The following TRIQK variants were observed in gnomAD, a reference collection of about 807,000 sequenced individuals.
The protein encoded by TRIQK is triple QxxK/R motif-containing protein.
TRIQK carries 10 observed loss-of-function variants against 10.8 expected under a neutral mutation model. The observed-to-expected ratio is 0.92, with a 90% CI of 0.57 to 1.57. The LOEUF is 1.57. Ranked by LOEUF, TRIQK falls within the 40% of genes most tolerant of loss-of-function variation. The pLI is 0.00. For missense variants in TRIQK, 107 were observed against 97.7 expected (o/e 1.09, Z -0.40); for synonymous variants, 33 against 33.7 (o/e 0.98, Z 0.07).
At chr8:92,890,663 A>G (rs1365232821) in intron 4 of TRIQK, among the ~76,000 whole-genome samples, 1 of 151,878 alleles carries the variant, frequency 6.6e-6, no homozygotes, top group African/African-American at 2.4e-5. Flanking sequence ...AAATCCTGAT[A>G]TTTAACTTCT....
At position 93,008,157 on chromosome 8, in the gene TRIQK, G is replaced by A. The variant is rs115790648; in HGVS notation, c.-181+9452C>T. Among the ~76,000 whole-genome samples, 214 of 152,234 alleles carry A rather than the reference G, an allele frequency of 1.4e-3. 1 individual carries two copies. The highest frequency in any genetic ancestry group is 4.9e-3 in the African/African-American group (204 of 41,538). On this transcript the variant is annotated intron_variant, in intron 1 of 4. Transcript: ENST00000520686. ...CTGTAGGGGGTGGACAGGAGGGAGA[G>A]CATCAGGATAAATAGCTAATGCATG...
chr8:92,976,094 A>T lies in TRIQK; in HGVS notation c.-180-21530T>A, dbSNP rs185358618. Among the ~76,000 whole-genome samples the T allele has an allele frequency of 2.0e-5, 3 of 152,066 alleles. No individual in the cohort carries two copies. The East Asian group carries it at 5.8e-4, about 29-fold the overall frequency. ...TTTATTATATAGGTTTTCTTGGTAA[A>T]TATCCCATGTACACTTGAAAAGAAT... On this transcript the variant is annotated intron_variant, in intron 1 of 4. Transcript: ENST00000520686.
chr8:92,923,355 A>G (rs1056720518), intron 2 of TRIQK, among the ~76,000 whole-genome samples: 1 of 151,522 alleles, frequency 6.6e-6, no homozygotes, highest in Non-Finnish European at 1.5e-5. Flanking sequence ...ATAGATGCGG[A>G]AAGGGAATAA....
At chr8:92,890,198 T>G (rs1816692744) in intron 4 of TRIQK, among the ~76,000 whole-genome samples, 1 of 151,776 alleles carries the variant, frequency 6.6e-6, no homozygotes, top group South Asian at 2.1e-4. Flanking sequence ...GGCAAATTAA[T>G]TAGTATGCCA....
chr8:92,988,408 A>G (rs771145079), intron 1 of TRIQK, among the ~76,000 whole-genome samples: 3 of 152,120 alleles, frequency 2.0e-5, no homozygotes, highest in Admixed American at 1.3e-4. Context: ...AAAAGTATGT[A>G]TGTTTGTGTA....
At chr8:92,888,343 T>C (rs1180631875) in intron 4 of TRIQK, among the ~76,000 whole-genome samples, 1 of 151,604 alleles carries the variant, frequency 6.6e-6, no homozygotes, top group Non-Finnish European at 1.5e-5. Flanking sequence ...TTTCACTATA[T>C]ATTTTCAGAA....
chr8:92,979,367 A>T (rs1246878166), intron 1 of TRIQK, among the ~76,000 whole-genome samples: 1 of 152,064 alleles, frequency 6.6e-6, no homozygotes, highest in Non-Finnish European at 1.5e-5. Context: ...ATTTTTTCAT[A>T]TATATCCAAT....
At chr8:92,993,291 C>A (rs1453790673) in intron 1 of TRIQK, among the ~76,000 whole-genome samples, 1 of 152,130 alleles carries the variant, frequency 6.6e-6, no homozygotes, top group Non-Finnish European at 1.5e-5. Context: ...TTATCCCCAT[C>A]ATTCTTTCCT....
At chr8:92,987,899 G>A (rs1384254682) in intron 1 of TRIQK, among the ~76,000 whole-genome samples, 4 of 151,110 alleles carry the variant, frequency 2.6e-5, no homozygotes, top group Admixed American at 2.0e-4. Flanking sequence ...TACGCATATA[G>A]ATACAAAAGA....
intron 1 of TRIQK, among the ~76,000 whole-genome samples, chr8:92,979,123 G>A (rs969666936): frequency 6.6e-6 from 1 of 152,086 alleles, no homozygotes; most frequent in Non-Finnish European, 1.5e-5. Flanking sequence ...GACTCAAATG[G>A]CTGGCAGTTG....
intron 1 of TRIQK, among the ~76,000 whole-genome samples, chr8:92,983,832 T>C (rs1260590624): frequency 6.6e-6 from 1 of 152,040 alleles, no homozygotes; most frequent in Non-Finnish European, 1.5e-5. Flanking sequence ...TTTCACACTC[T>C]TTTCTTATGG....
At position 92,892,048 on chromosome 8, in the gene TRIQK, G is replaced by A. The variant is rs1277353183; in HGVS notation, c.88C>T (p.Pro30Ser). 9 of 1,532,594 alleles carry A rather than the reference G, an allele frequency of 5.9e-6. No homozygotes were observed. The highest frequency in any genetic ancestry group is 7.9e-6 in the Non-Finnish European group (9 of 1,143,618). 94.9% of individuals were successfully genotyped at this position (1,532,594 alleles called of 1,614,324 possible). A position where few individuals can be genotyped will look rare whatever the true frequency, so the allele number is the denominator to read the frequency against. ...TTTAATTTGGTTGCTCGTAAAATAG[G>A]TTTAGTTTTTTTATAATCCTGTTTA... ...IGKQDYKKTK[P>S]ILRATKLKAE... The change falls in exon 4 of 5, where the codon CCT becomes TCT. Residue 30 changes from proline to serine, a missense_variant. Pro to Ser is a moderately conservative substitution (Grantham distance 74). Transcript: ENST00000521988.
chr8:92,977,809 A>G (rs930503198), intron 1 of TRIQK, among the ~76,000 whole-genome samples: 3 of 152,212 alleles, frequency 2.0e-5, no homozygotes, highest in African/African-American at 2.4e-5. Flanking sequence ...TTGAAGTACA[A>G]TTGTCATGTA....
intron 2 of TRIQK, chr8:92,929,505 T>A (rs1239018563): frequency 1.3e-5 from 2 of 152,172 alleles, no homozygotes; most frequent in Admixed American, 6.5e-5. Flanking sequence ...TAATGCTTTT[T>A]TAATGCACAG....
At chr8:92,909,891 A>C (rs1809481266) in intron 3 of TRIQK, among the ~76,000 whole-genome samples, 1 of 151,698 alleles carries the variant, frequency 6.6e-6, no homozygotes, top group African/African-American at 2.4e-5. Flanking sequence ...AAAGACAAAC[A>C]ACAAAAAGAA....
chr8:92,933,445 T>C (rs916014128), intron 2 of TRIQK, among the ~76,000 whole-genome samples: 1 of 152,062 alleles, frequency 6.6e-6, no homozygotes, highest in African/African-American at 2.4e-5. Context: ...AAATACCCCA[T>C]AGAGGTCTAT....
At chr8:92,951,788 T>G (rs1226471670) in intron 2 of TRIQK, among the ~76,000 whole-genome samples, 1 of 152,096 alleles carries the variant, frequency 6.6e-6, no homozygotes, top group Non-Finnish European at 1.5e-5. Context: ...CTAACTGATC[T>G]GGGGAAAGGA....
At chr8:92,922,511 C>T (rs1316317115) in intron 2 of TRIQK, 2 of 151,788 alleles carry the variant, frequency 1.3e-5, no homozygotes, top group African/African-American at 4.8e-5. Flanking sequence ...AATGGTTACT[C>T]ATTATGCTTC....
chr8:92,940,415 T>C (rs865888517), intron 2 of TRIQK, among the ~76,000 whole-genome samples: 3 of 150,558 alleles, frequency 2.0e-5, no homozygotes, highest in South Asian at 2.1e-4. Flanking sequence ...AACAAACTGA[T>C]AGTGAAGTAA....
Sources: gnomAD v4.1 joint callset for allele counts (sites outside exome capture counted in the v4.1 genomes callset) on GRCh38, gnomAD v4.1.1 for gene constraint, MANE v1.5 for transcripts, NCBI Gene and HGNC (gene_info 2026-07-23, HGNC 2026-07-21) for gene names.